Variants in FRMPD4 observed in about 807,000 individuals in gnomAD.
FRMPD4 encodes FERM and PDZ domain-containing protein 4.
A neutral mutation model predicts 94.1 loss-of-function variants in FRMPD4; 22 were observed. The ratio of observed to expected loss-of-function variants is 0.23; its 90% CI spans 0.17 to 0.33. The LOEUF is 0.33. FRMPD4 is among the 10% of genes least tolerant of loss of function. The probability of loss-of-function intolerance (pLI) is 1.00; values close to 1 mark genes in which losing one functional copy is unlikely to be tolerated. For synonymous variants in FRMPD4, 631 were observed against 548.6 expected (o/e 1.15, Z -2.10); for missense variants, 1,111 against 1,339.9 (o/e 0.83, Z 2.67).
intron 1 of FRMPD4, among the ~76,000 whole-genome samples, chrX:11,827,889 T>C (rs1357541251): frequency 8.9e-6 from 1 of 112,043 alleles, no homozygotes; most frequent in East Asian, 2.8e-4. Flanking sequence ...CCAGAGTGGG[T>C]AGTCCAGGGT....
intron 1 of FRMPD4, among the ~76,000 whole-genome samples, chrX:12,243,575 G>C (rs1199908719): frequency 9.1e-6 from 1 of 110,430 alleles, no homozygotes; most frequent in Non-Finnish European, 1.9e-5. Context: ...CTATAAGATT[G>C]CTTTTATTCA....
intron 3 of FRMPD4, among the ~76,000 whole-genome samples, chrX:11,933,017 T>C (rs1313722908): frequency 8.9e-6 from 1 of 112,095 alleles, no homozygotes; most frequent in African/African-American, 3.2e-5. Context: ...GCCTGGCACT[T>C]AGCAGTTGCT....
intron 2 of FRMPD4, among the ~76,000 whole-genome samples, chrX:12,543,443 A>G (rs1328085616): frequency 8.9e-5 from 10 of 112,390 alleles, no homozygotes; most frequent in Middle Eastern, 4.6e-3. Context: ...ATGAACAGAC[A>G]CTTCTCACAA....
intron 3 of FRMPD4, among the ~76,000 whole-genome samples, chrX:12,119,305 C>T (rs1464857760): frequency 1.8e-5 from 2 of 111,820 alleles, no homozygotes; most frequent in Non-Finnish European, 3.8e-5. Context: ...CACCCTAGGG[C>T]TGTTTCTTTG....
chrX:12,233,293 A>G (rs771922931), intron 1 of FRMPD4, among the ~76,000 whole-genome samples: 1 of 112,289 alleles, frequency 8.9e-6, no homozygotes, highest in Non-Finnish European at 1.9e-5. Context: ...TTTGGACTTC[A>G]GTTAAACAAT....
chrX:11,959,236 C>A (rs1219466066), intron 3 of FRMPD4, among the ~76,000 whole-genome samples: 1 of 112,111 alleles, frequency 8.9e-6, no homozygotes, highest in Non-Finnish European at 1.9e-5. Context: ...TGCAGGGTGG[C>A]CATTCTGGCA....
chrX:12,140,168 G>A (rs759378679), intron 1 of FRMPD4, among the ~76,000 whole-genome samples: 4 of 112,249 alleles, frequency 3.6e-5, no homozygotes, highest in Non-Finnish European at 7.5e-5. Flanking sequence ...TGTTCTGCCT[G>A]CCCATCTCCA....
chrX:12,697,107 C>G (rs1435889812), intron 9 of FRMPD4, among the ~76,000 whole-genome samples: 1 of 112,447 alleles, frequency 8.9e-6, no homozygotes, highest in Non-Finnish European at 1.9e-5. Context: ...GTTCAATGAA[C>G]CCTGTTGACC....
chrX:12,047,965 GT>G (rs1206203046), intron 3 of FRMPD4, among the ~76,000 whole-genome samples: 2 of 112,859 alleles, frequency 1.8e-5, no homozygotes, highest in Non-Finnish European at 3.7e-5. Context: ...GAACATGTGA[GT>G]GCATTTGTCT....
At chrX:12,048,221 T>G (rs1210528243) in intron 3 of FRMPD4, among the ~76,000 whole-genome samples, 1 of 112,415 alleles carries the variant, frequency 8.9e-6, no homozygotes, top group East Asian at 2.8e-4. Flanking sequence ...TATCTCATTG[T>G]GGTTTAGGTT....
At chrX:11,990,662 A>G (rs1412047707) in intron 3 of FRMPD4, among the ~76,000 whole-genome samples, 1 of 110,745 alleles carries the variant, frequency 9.0e-6, no homozygotes, top group Non-Finnish European at 1.9e-5. Flanking sequence ...ATCCTCCACC[A>G]TGTTTCTTTT....
At chrX:11,862,742 G>A (rs2053694368) in intron 1 of FRMPD4, among the ~76,000 whole-genome samples, 1 of 110,890 alleles carries the variant, frequency 9.0e-6, no homozygotes, top group Non-Finnish European at 1.9e-5. Context: ...AGGAAGTCTA[G>A]GACTCTTTCA....
chrX:12,721,427 G>A lies in FRMPD4; in HGVS notation c.4858G>A (p.Val1620Ile), dbSNP rs918274621. 3.6e-5 allele frequency: 27 copies of A among 753,033 alleles called. No individual in the cohort carries two copies. Among genetic ancestry groups the A allele is most frequent in the Non-Finnish European group, 4.2e-5 (27 of 638,259 alleles). 62.1% of individuals were successfully genotyped at this position (753,033 alleles called of 1,213,427 possible). The change falls in exon 17 of 17, where the codon GTC becomes ATC. Residue 1620 changes from valine (V) to isoleucine (I), a missense_variant. Transcript: ENST00000675598. ...TGATGCCAATGAGCTGCTCTGTCTC[G>A]TCAGGGCAACCAAGGAGAAGAGGGA... ...QNDANELLCLVRATKEKREES... is the reference protein window; with the variant it reads ...QNDANELLCLIRATKEKREES...
At chrX:11,841,251 G>T (rs1240990462) in intron 1 of FRMPD4, among the ~76,000 whole-genome samples, 1 of 109,719 alleles carries the variant, frequency 9.1e-6, no homozygotes, top group Non-Finnish European at 1.9e-5. Context: ...TAGTCCTTTG[G>T]GTATATACCC....
chrX:12,146,350 A>G (rs1464670482), intron 1 of FRMPD4, among the ~76,000 whole-genome samples: 5 of 103,431 alleles, frequency 4.8e-5, no homozygotes, highest in Non-Finnish European at 9.8e-5. Context: ...GGGCAACAGA[A>G]CGAGACTCTG....
intron 1 of FRMPD4, among the ~76,000 whole-genome samples, chrX:11,856,851 C>T (rs2053656506): frequency 8.9e-6 from 1 of 112,084 alleles, no homozygotes; most frequent in South Asian, 3.7e-4. Flanking sequence ...TAAACCACTT[C>T]GGGAAAGTCT....
At chrX:12,472,800 A>T (rs1225179159) in intron 1 of FRMPD4, among the ~76,000 whole-genome samples, 1 of 111,820 alleles carries the variant, frequency 8.9e-6, no homozygotes, top group Non-Finnish European at 1.9e-5. Context: ...CCTCCAAGAA[A>T]TATGGGACTA....
At chrX:12,076,262 G>A (rs1395554363) in intron 3 of FRMPD4, among the ~76,000 whole-genome samples, 1 of 110,530 alleles carries the variant, frequency 9.0e-6, no homozygotes, top group Non-Finnish European at 1.9e-5. Context: ...CAAATGGCAA[G>A]TTAGTAGTCC....
At chrX:12,581,710 C>T (rs1308539825) in intron 2 of FRMPD4, among the ~76,000 whole-genome samples, 7 of 111,655 alleles carry the variant, frequency 6.3e-5, no homozygotes, top group Non-Finnish European at 5.6e-5. Context: ...GTCCTCCTCC[C>T]GCCCACTGCC....
Sources: allele counts gnomAD v4.1 joint callset (sites outside exome capture counted in the v4.1 genomes callset), GRCh38; gene constraint gnomAD v4.1.1; transcripts MANE v1.5; gene names NCBI Gene and HGNC (gene_info 2026-07-23, HGNC 2026-07-21).